KCTD8: variants seen among roughly 807,000 people sequenced by gnomAD.
The protein encoded by KCTD8 is BTB/POZ domain-containing protein KCTD8.
A neutral mutation model predicts 31.5 loss-of-function variants in KCTD8; 27 were observed. That is an observed-to-expected ratio of 0.86 (90% CI 0.63 to 1.18). KCTD8 has a LOEUF of 1.18. Ranked by LOEUF, KCTD8 falls within the 50% of genes most tolerant of loss-of-function variation. The pLI, the probability that KCTD8 is intolerant of heterozygous loss-of-function variation, is 0.00. For missense variants in KCTD8, 658 were observed against 647.7 expected (o/e 1.02, Z -0.17); for synonymous variants, 290 against 280.0 (o/e 1.04, Z -0.36).
chr4:44,443,861 T>C (rs1721870291), intron 1 of KCTD8, among the ~76,000 whole-genome samples: 1 of 152,190 alleles, frequency 6.6e-6, no homozygotes, highest in African/African-American at 2.4e-5. Flanking sequence ...ATTGCCAACA[T>C]AAAATGTCTT....
intron 1 of KCTD8, among the ~76,000 whole-genome samples, chr4:44,379,024 CCTCT>C (rs1719992662): frequency 6.6e-6 from 1 of 152,070 alleles, no homozygotes; most frequent in South Asian, 2.1e-4. Flanking sequence ...TCTTCTAATC[CCTCT>C]CTCTGACTCT....
intron 1 of KCTD8, among the ~76,000 whole-genome samples, chr4:44,203,495 CAAAAAA>C (rs554145266): frequency 4.5e-5 from 2 of 44,730 alleles, no homozygotes; most frequent in Non-Finnish European, 9.7e-5. Flanking sequence ...GACTCCATCT[CAAAAAA>C]AAAAAAAAAA....
chr4:44,299,487 T>G (rs562110460), intron 1 of KCTD8, among the ~76,000 whole-genome samples: 1 of 152,090 alleles, frequency 6.6e-6, no homozygotes, highest in Non-Finnish European at 1.5e-5. Flanking sequence ...TCCCAGCACT[T>G]TGGGAGGCCA....
chr4:44,263,640 C>T (rs559068179), intron 1 of KCTD8, among the ~76,000 whole-genome samples: 13 of 152,102 alleles, frequency 8.5e-5, no homozygotes, highest in Middle Eastern at 3.4e-3. Flanking sequence ...CAGAACAATA[C>T]CAATTTTGGA....
At chr4:44,419,518 G>T (rs1393114708) in intron 1 of KCTD8, among the ~76,000 whole-genome samples, 2 of 152,136 alleles carry the variant, frequency 1.3e-5, no homozygotes, top group African/African-American at 4.8e-5. Context: ...CATTTATGCA[G>T]CCATATAAAA....
At chr4:44,434,080 T>A (rs1409732492) in intron 1 of KCTD8, among the ~76,000 whole-genome samples, 1 of 151,874 alleles carries the variant, frequency 6.6e-6, no homozygotes, top group Non-Finnish European at 1.5e-5. Flanking sequence ...TCCCCTGATA[T>A]CCAGCCAAAT....
intron 1 of KCTD8, among the ~76,000 whole-genome samples, chr4:44,234,826 C>A (rs1350090647): frequency 6.6e-6 from 1 of 152,146 alleles, no homozygotes; most frequent in Admixed American, 6.6e-5. Flanking sequence ...AACTTAACTA[C>A]TGAAATTATC....
intron 1 of KCTD8, among the ~76,000 whole-genome samples, chr4:44,177,279 C>T (rs879496332): frequency 5.9e-5 from 9 of 152,018 alleles, no homozygotes; most frequent in Non-Finnish European, 8.8e-5. Flanking sequence ...ACACCCTAAC[C>T]CCACCCCACC....
intron 1 of KCTD8, among the ~76,000 whole-genome samples, chr4:44,209,173 T>C (rs903814671): frequency 6.6e-5 from 10 of 152,090 alleles, no homozygotes; most frequent in African/African-American, 2.4e-4. Context: ...TGAAGGGATT[T>C]TTATTATGCA....
chr4:44,280,797 T>TGCCTG (rs1716885508), intron 1 of KCTD8, among the ~76,000 whole-genome samples: 1 of 152,092 alleles, frequency 6.6e-6, no homozygotes, highest in African/African-American at 2.4e-5. Flanking sequence ...GAGATGGTAT[T>TGCCTG]CTTGGTTGTC....
intron 1 of KCTD8, chr4:44,293,754 T>C (rs1179802549): frequency 2.5e-5 from 11 of 443,098 alleles, no homozygotes; most frequent in African/African-American, 1.6e-4. Context: ...GTTGAAAATA[T>C]TGAAACATAG....
At chr4:44,268,896 C>T (rs1245053061) in intron 1 of KCTD8, among the ~76,000 whole-genome samples, 2 of 152,088 alleles carry the variant, frequency 1.3e-5, no homozygotes, top group Non-Finnish European at 2.9e-5. Context: ...AAAGAGGATA[C>T]AAAGAAATGG....
At chr4:44,189,268 C>T (rs1050997408) in intron 1 of KCTD8, among the ~76,000 whole-genome samples, 4 of 152,164 alleles carry the variant, frequency 2.6e-5, no homozygotes, top group South Asian at 2.1e-4. Context: ...TAATTTGTCT[C>T]CTCAAATACT....
intron 1 of KCTD8, among the ~76,000 whole-genome samples, chr4:44,309,869 CTAAAATACTAAATTTTAGTTG>C (rs1173895224): frequency 1.3e-5 from 2 of 151,986 alleles, no homozygotes; most frequent in Non-Finnish European, 2.9e-5. Flanking sequence ...TATTTTCGAA[CTAAAATACTAAATTTTAGTTG>C]TAAAATACTA....
intron 1 of KCTD8, among the ~76,000 whole-genome samples, chr4:44,403,767 T>C (rs1405965076): frequency 6.6e-6 from 1 of 152,094 alleles, no homozygotes; most frequent in Non-Finnish European, 1.5e-5. Context: ...GACTTCAACA[T>C]ATGAATTTTG....
intron 1 of KCTD8, among the ~76,000 whole-genome samples, chr4:44,205,712 A>G (rs1160158263): frequency 1.3e-5 from 2 of 152,238 alleles, no homozygotes; most frequent in Admixed American, 1.3e-4. Flanking sequence ...TTCTAACCCA[A>G]CTGAGACATA....
At chr4:44,181,161 C>T (rs1713371958) in intron 1 of KCTD8, among the ~76,000 whole-genome samples, 1 of 151,256 alleles carries the variant, frequency 6.6e-6, no homozygotes, top group South Asian at 2.1e-4. Flanking sequence ...CTCCCTCTCC[C>T]TCTCCCTCTC....
chr4:44,199,573 T>C (rs207464596), intron 1 of KCTD8, among the ~76,000 whole-genome samples: 1 of 152,024 alleles, frequency 6.6e-6, no homozygotes, highest in East Asian at 1.9e-4. Context: ...AATGACAAAA[T>C]TAGGCATAGA....
chr4:44,188,386 G>A (rs1333734692), intron 1 of KCTD8, among the ~76,000 whole-genome samples: 4 of 152,160 alleles, frequency 2.6e-5, no homozygotes, highest in African/African-American at 7.2e-5. Context: ...TTTGCTTGAT[G>A]TGAAGTTCTG....
Sources: gnomAD v4.1 joint callset for allele counts (sites outside exome capture counted in the v4.1 genomes callset) on GRCh38, gnomAD v4.1.1 for gene constraint, MANE v1.5 for transcripts, NCBI Gene and HGNC (gene_info 2026-07-23, HGNC 2026-07-21) for gene names.